The following GBF1 variants were observed in gnomAD, a reference collection of about 807,000 sequenced individuals.
GBF1 encodes the protein Golgi-specific brefeldin A-resistance guanine nucleotide exchange factor 1.
GBF1 carries 114 observed loss-of-function variants against 210.5 expected under a neutral mutation model. The observed-to-expected ratio is 0.54, with a 90% CI of 0.47 to 0.63. The LOEUF is 0.63. GBF1 is among the 30% of genes least tolerant of loss of function. The pLI is 0.00. For missense variants in GBF1, 1,851 were observed against 2,357.7 expected (o/e 0.79, Z 4.45); for synonymous variants, 850 against 889.2 (o/e 0.96, Z 0.78).
chr10:102,323,028 T>C (rs1266518054), intron 3 of GBF1, among the ~76,000 whole-genome samples: 2 of 152,010 alleles, frequency 1.3e-5, no homozygotes, highest in African/African-American at 4.8e-5. Context: ...TTTTATTGTA[T>C]CACAATTTTG....
chr10:102,380,596 C>T lies in GBF1; in HGVS notation c.5083C>T (p.Pro1695Ser). 1 of 1,613,792 alleles carries T rather than the reference C, an allele frequency of 6.2e-7. No homozygotes were observed. Among genetic ancestry groups the T allele is most frequent in the South Asian group, 1.1e-5 (1 of 91,076 alleles). Residue 1695 changes from proline to serine, a missense_variant, in exon 38 of 40, where the codon CCC (proline) becomes TCC (serine). Transcript: ENST00000369983. Reference protein sequence around the residue: ...FHSADARGGGPSALWEITWER... With the variant: ...FHSADARGGGSSALWEITWER... ...CAGTGCAGATGCACGGGGAGGCGGC[C>T]CCTCGGCCCTCTGGGAGATCACCTG...
In GBF1 at chr10:102,366,584, CTTTTTTTTT is replaced by C. The variant is rs397968996; in HGVS notation, c.2433+90_2433+98del. The C allele has an allele frequency of 1.9e-5, 12 of 642,668 alleles. No homozygotes were observed. Among genetic ancestry groups the C allele is most frequent in the South Asian group, 1.7e-4 (8 of 47,120 alleles). 39.8% of individuals were successfully genotyped at this position (642,668 alleles called of 1,614,324 possible). ...GGGCTGAAGAATCCAGCTGCTGTCT[CTTTTTTTTT>C]TTTTTTTTTTTGAGACAGAGTCTCG... is the stretch of plus-strand genomic sequence containing the variant. On this transcript the variant is annotated intron_variant, in intron 19 of 39. Transcript: ENST00000369983. This position sits in a 1 kb window ranked among gnomAD's most constrained non-coding sequence, Gnocchi z 4.0.
chr10:102,360,090 C>T (rs1366741087), intron 11 of GBF1, 94 bp from the exon 12 acceptor site: 1 of 797,608 alleles, frequency 1.3e-6, no homozygotes, highest in East Asian at 2.4e-5. Context: ...GAATCACTTA[C>T]CTAAAATTGC....
Position 102,369,762 on chromosome 10 carries a change from A to C in GBF1, c.3202A>C (p.Thr1068Pro). 1.2e-6 allele frequency: 2 copies of C among 1,614,168 alleles called. No individual in the cohort carries two copies. The highest frequency in any genetic ancestry group is 1.7e-6 in the Non-Finnish European group (2 of 1,179,988). Residue 1068 changes from threonine (T) to proline (P), a missense_variant, in exon 25 of 40, where the codon ACA becomes CCA. Thr to Pro is a conservative substitution (Grantham distance 38). Transcript: ENST00000369983. ...CAAGATCTCTCTACAGCGGGAAGAG[A>C]CACCATCAAACCGGTAAGAGCAGAC... ...NGKISLQREE[T>P]PSNRGESTVL...
chr10:102,359,199 C>T, intron 10 of GBF1, 68 bp from the exon 11 acceptor site: 1 of 1,086,800 alleles, frequency 9.2e-7, no homozygotes, highest in Non-Finnish European at 1.4e-6. Context: ...ACAGCTACTT[C>T]AGGGGAGTAA....
chr10:102,381,320 A>G (rs754188207), intron 39 of GBF1, 65 bp downstream of exon 39: 5 of 1,542,728 alleles, frequency 3.2e-6, no homozygotes, highest in Admixed American at 3.4e-5. Context: ...GAGGAGGCCC[A>G]AGGGGGCGTG....
chr10:102,372,118 G>A (rs1462272052), intron 29 of GBF1, among the ~76,000 whole-genome samples: 2 of 151,570 alleles, frequency 1.3e-5, no homozygotes, highest in African/African-American at 4.9e-5. Context: ...GGCTGAGGCA[G>A]GAGAATCGCT....
At chr10:102,368,869 A>G (rs1341618051) in intron 23 of GBF1, 37 bp downstream of exon 23, 3 of 1,368,114 alleles carry the variant, frequency 2.2e-6, no homozygotes, top group Non-Finnish European at 3.1e-6. Context: ...TGGAGCTCCA[A>G]AGGAGGACCT....
intron 3 of GBF1, among the ~76,000 whole-genome samples, chr10:102,330,020 G>A (rs1400129247): frequency 6.6e-6 from 1 of 152,156 alleles, no homozygotes; most frequent in Non-Finnish European, 1.5e-5. Context: ...GGTAGTCTTA[G>A]CCACTCAGGA....
At chr10:102,302,721 A>C (rs1180050527) in intron 3 of GBF1, among the ~76,000 whole-genome samples, 1 of 152,112 alleles carries the variant, frequency 6.6e-6, no homozygotes, top group Non-Finnish European at 1.5e-5. Context: ...GAACTGGGTG[A>C]TTTTGCCCCC....
intron 4 of GBF1, among the ~76,000 whole-genome samples, chr10:102,350,288 T>G (rs937920244): frequency 2.6e-5 from 4 of 151,084 alleles, no homozygotes; most frequent in African/African-American, 7.3e-5. Context: ...AGACGGAGGT[T>G]GCAGTGAGCC....
chr10:102,360,987 A>C lies in GBF1; in HGVS notation c.1393-35A>C, dbSNP rs777645698. 3.2e-5 allele frequency: 37 copies of C among 1,157,826 alleles called. No homozygotes were observed. The South Asian group carries it at 4.2e-4, about 13-fold the overall frequency. 71.7% of individuals were successfully genotyped at this position (1,157,826 alleles called of 1,614,324 possible). ...GAAACTCCGCCTCAAAAAAAAAAAAAAAAAACTCATGGCCTACCCTGCTCT... is the reference window on the plus strand; with the variant it reads ...GAAACTCCGCCTCAAAAAAAAAAAACAAAAACTCATGGCCTACCCTGCTCT... On this transcript the variant is annotated intron_variant, in intron 12 of 39. Transcript: ENST00000369983.
the GBF1 span, chr10:102,232,021 G>A: frequency 1.2e-6 from 2 of 1,608,874 alleles, no homozygotes; most frequent in Non-Finnish European, 1.7e-6. Flanking sequence ...GAGTGCCAGC[G>A]TCTGACAGCG....
In GBF1 at chr10:102,366,386, C is replaced by T. The variant is rs376607827; in HGVS notation, c.2313C>T (p.Thr771=). The T allele has an allele frequency of 6.2e-7, 1 of 1,613,954 alleles. No individual in the cohort carries two copies. Among genetic ancestry groups the T allele is most frequent in the South Asian group, 1.1e-5 (1 of 91,082 alleles). ...TTCTTCCTTTCTTTCCCTATAGCAC[C>T]TTCAGTTTTCAGGGTCTGCGACTGG... is the stretch of plus-strand genomic sequence containing the variant. ...NIDLLESFVS[T]FSFQGLRLDE... Residue 771 remains threonine (T), a synonymous_variant, in exon 19 of 40, where the codon ACC becomes ACT. Coordinates refer to ENST00000369983, the MANE Select transcript of GBF1 (RefSeq NM_001377137.1). This position sits in a 1 kb window ranked among gnomAD's most constrained non-coding sequence, Gnocchi z 4.0.
At chr10:102,285,783 C>T (rs1291021746) in intron 3 of GBF1, among the ~76,000 whole-genome samples, 3 of 152,116 alleles carry the variant, frequency 2.0e-5, no homozygotes, top group South Asian at 2.1e-4. Context: ...TAGCTCTCTC[C>T]GTTTTTTCTA....
chr10:102,368,638 C>T, intron 22 of GBF1, 101 bp from the exon 23 acceptor site: 1 of 897,668 alleles, frequency 1.1e-6, no homozygotes, highest in Non-Finnish European at 1.8e-6. Flanking sequence ...AGGTTTCTTC[C>T]TGGGACTGAC....
chr10:102,370,100 C>A, intron 26 of GBF1, 74 bp from the exon 27 acceptor site: 2 of 1,493,724 alleles, frequency 1.3e-6, no homozygotes, highest in South Asian at 2.3e-5. Flanking sequence ...TCTGCCCTCT[C>A]CCCCTGGCTC....
chr10:102,235,726 G>T, the GBF1 span, among the ~76,000 whole-genome samples: 2 of 152,172 alleles, frequency 1.3e-5, no homozygotes, highest in African/African-American at 4.8e-5. Context: ...TCTCATCCCT[G>T]TGTCTGCCCT....
the GBF1 span, among the ~76,000 whole-genome samples, chr10:102,237,881 T>TC: frequency 2.7e-5 from 4 of 150,196 alleles, no homozygotes; most frequent in Admixed American, 6.6e-5. Flanking sequence ...ACTGCCCTCC[T>TC]CCCCCGCCCA....
Sources: gnomAD v4.1 joint callset for allele counts (sites outside exome capture counted in the v4.1 genomes callset) on GRCh38, gnomAD v4.1.1 for gene constraint, Gnocchi (gnomAD v3.1) non-coding constraint, MANE v1.5 for transcripts, NCBI Gene and HGNC (gene_info 2026-07-23, HGNC 2026-07-21) for gene names.